Variants in COG5 observed in about 807,000 individuals in gnomAD.
COG5 encodes component of oligomeric golgi complex 5.
Under a neutral mutation model 110.4 loss-of-function variants are expected in COG5, and 86 were observed. That is an observed-to-expected ratio of 0.78 (90% CI 0.65 to 0.93). COG5 has a LOEUF of 0.93. Among genes scored for constraint, COG5 ranks in the 40% least tolerant of loss-of-function variants. The pLI is 0.00. For synonymous variants in COG5, 360 were observed against 334.6 expected (o/e 1.08, Z -0.83); for missense variants, 1,077 against 987.0 (o/e 1.09, Z -1.22).
At chr7:107,501,732 ATCT>A (rs1211394350) in intron 6 of COG5, among the ~76,000 whole-genome samples, 1 of 152,126 alleles carries the variant, frequency 6.6e-6, no homozygotes, top group Non-Finnish European at 1.5e-5. Flanking sequence ...ACAAACACAT[ATCT>A]AAGCATAAGC....
chr7:107,278,447 T>C (rs898546730), intron 14 of COG5, among the ~76,000 whole-genome samples: 7 of 152,060 alleles, frequency 4.6e-5, no homozygotes, highest in Non-Finnish European at 8.8e-5. Context: ...CAGGCCCCGG[T>C]GTGTGATGTT....
At chr7:107,253,327 C>CT in intron 16 of COG5, 1 of 152,180 alleles carries the variant, frequency 6.6e-6, no homozygotes, top group Non-Finnish European at 1.5e-5. Context: ...TTCCTATGCT[C>CT]TTTACAAAGC....
chr7:107,399,259 A>C (rs898282375), intron 7 of COG5, among the ~76,000 whole-genome samples: 1 of 152,198 alleles, frequency 6.6e-6, no homozygotes, highest in Non-Finnish European at 1.5e-5. Flanking sequence ...CTATACATTA[A>C]AAGTGCATGA....
intron 11 of COG5, among the ~76,000 whole-genome samples, chr7:107,321,506 AAAG>A (rs1413609333): frequency 6.6e-6 from 1 of 152,206 alleles, no homozygotes; most frequent in East Asian, 1.9e-4. Flanking sequence ...TTACTTTGAT[AAAG>A]AAGAACAAAA....
At chr7:107,313,661 A>G (rs1808473884) in intron 11 of COG5, among the ~76,000 whole-genome samples, 1 of 151,994 alleles carries the variant, frequency 6.6e-6, no homozygotes, top group Non-Finnish European at 1.5e-5. Context: ...TCAAGCAATT[A>G]TATTACTCCT....
At chr7:107,411,935 T>C (rs919823252) in intron 7 of COG5, among the ~76,000 whole-genome samples, 1 of 152,154 alleles carries the variant, frequency 6.6e-6, no homozygotes, top group Non-Finnish European at 1.5e-5. Context: ...TCAATACCTT[T>C]GAATTTCTTC....
intron 7 of COG5, among the ~76,000 whole-genome samples, chr7:107,389,625 G>A (rs758135291): frequency 3.3e-5 from 5 of 152,228 alleles, no homozygotes; most frequent in Non-Finnish European, 7.3e-5. Flanking sequence ...GTGGCCTCCA[G>A]TGAGGCAACT....
chr7:107,265,975 C>T (rs559232014), intron 14 of COG5, among the ~76,000 whole-genome samples: 1 of 152,006 alleles, frequency 6.6e-6, no homozygotes, highest in South Asian at 2.1e-4. Context: ...TTTTTTGACC[C>T]CAGGAGGTCA....
intron 11 of COG5, among the ~76,000 whole-genome samples, chr7:107,305,802 A>G (rs919850154): frequency 6.6e-6 from 1 of 151,972 alleles, no homozygotes; most frequent in East Asian, 1.9e-4. Context: ...AGCTGCTTGT[A>G]TCGTCAAAAT....
At chr7:107,449,999 G>A (rs1795239162) in intron 6 of COG5, 1 of 152,202 alleles carries the variant, frequency 6.6e-6, no homozygotes, top group Admixed American at 6.5e-5. Context: ...CCCAGCAAAG[G>A]ATGGTTTAAT....
intron 7 of COG5, among the ~76,000 whole-genome samples, chr7:107,398,297 C>G (rs1206500328): frequency 6.6e-6 from 1 of 152,212 alleles, no homozygotes; most frequent in Non-Finnish European, 1.5e-5. Flanking sequence ...ACTATTTATA[C>G]ATACAATCAG....
At chr7:107,296,456 C>T (rs1806756267) in intron 12 of COG5, among the ~76,000 whole-genome samples, 1 of 151,910 alleles carries the variant, frequency 6.6e-6, no homozygotes, top group African/African-American at 2.4e-5. Flanking sequence ...GTTCTGTTCT[C>T]TTTTGCCCTC....
At chr7:107,414,795 C>T (rs542861701) in intron 6 of COG5, among the ~76,000 whole-genome samples, 2 of 135,302 alleles carry the variant, frequency 1.5e-5, no homozygotes, top group Admixed American at 8.5e-5. Flanking sequence ...GGTGCGATCT[C>T]GGCTCACTGC....
chr7:107,439,697 T>C (rs1794590455), intron 6 of COG5, among the ~76,000 whole-genome samples: 1 of 152,176 alleles, frequency 6.6e-6, no homozygotes, highest in Non-Finnish European at 1.5e-5. Context: ...ATAGATCCTT[T>C]TGAGTTTTCT....
At position 107,539,093 on chromosome 7, in the gene COG5, C is replaced by T. The variant is rs544107678; in HGVS notation, c.417+9018G>A. ...AGAAGTTTGAGACAAGCCTGGGCAA[C>T]ATAGTGAGAGACACTGTCTAAAAAA... is the stretch of plus-strand genomic sequence containing the variant. On this transcript the variant is annotated intron_variant, in intron 5 of 21. Transcript: ENST00000297135. 1.8e-4 allele frequency among the ~76,000 whole-genome samples: 27 copies of T among 151,964 alleles called. No individual in the cohort carries two copies. The South Asian group carries it at 3.5e-3, about 20-fold the overall frequency.
intron 6 of COG5, among the ~76,000 whole-genome samples, chr7:107,522,913 G>A (rs1412948872): frequency 6.6e-6 from 1 of 152,122 alleles, no homozygotes; most frequent in East Asian, 1.9e-4. Context: ...TTACTTCAAG[G>A]AGTCTTTGTA....
chr7:107,337,517 G>C (rs1332194015), intron 10 of COG5, among the ~76,000 whole-genome samples: 2 of 152,170 alleles, frequency 1.3e-5, no homozygotes, highest in African/African-American at 4.8e-5. Flanking sequence ...AAGTCATTAA[G>C]TGAAACAGGC....
At chr7:107,392,840 T>C (rs1790720863) in intron 7 of COG5, among the ~76,000 whole-genome samples, 1 of 152,196 alleles carries the variant, frequency 6.6e-6, no homozygotes, top group Non-Finnish European at 1.5e-5. Flanking sequence ...TTGGAAACCA[T>C]TACTTATGTT....
intron 11 of COG5, among the ~76,000 whole-genome samples, chr7:107,323,978 T>C (rs1378024934): frequency 6.6e-6 from 1 of 152,224 alleles, no homozygotes; most frequent in Non-Finnish European, 1.5e-5. Context: ...CATATTTGAA[T>C]GACCAACTTT....
Sources: allele counts gnomAD v4.1 joint callset (sites outside exome capture counted in the v4.1 genomes callset), GRCh38; gene constraint gnomAD v4.1.1; transcripts MANE v1.5; gene names NCBI Gene and HGNC (gene_info 2026-07-23, HGNC 2026-07-21).